Variants in SGCZ observed in about 807,000 individuals in gnomAD.
SGCZ encodes the protein sarcoglycan zeta, also known as zeta-sarcoglycan.
SGCZ carries 40 observed loss-of-function variants against 41.3 expected under a neutral mutation model. That is an observed-to-expected ratio of 0.97 (90% CI 0.75 to 1.26). The LOEUF (loss-of-function observed/expected upper bound fraction) is 1.26. Among genes scored for constraint, SGCZ ranks in the 50% most tolerant of loss-of-function variants. The pLI is 0.00. For synonymous variants in SGCZ, 206 were observed against 137.5 expected (o/e 1.50, Z -3.49); for missense variants, 552 against 369.8 (o/e 1.49, Z -4.04).
chr8:15,064,396 A>G (rs1805047691), intron 1 of SGCZ, among the ~76,000 whole-genome samples: 1 of 152,144 alleles, frequency 6.6e-6, no homozygotes, highest in Non-Finnish European at 1.5e-5. Context: ...CATATATTAT[A>G]CACAACTGAA....
chr8:14,910,692 A>G (rs1799258031), intron 1 of SGCZ, among the ~76,000 whole-genome samples: 1 of 151,930 alleles, frequency 6.6e-6, no homozygotes, highest in African/African-American at 2.4e-5. Flanking sequence ...TGATTCTTTT[A>G]AAGCACTTTG....
intron 1 of SGCZ, among the ~76,000 whole-genome samples, chr8:14,904,893 T>C (rs1026347880): frequency 7.9e-5 from 12 of 152,004 alleles, no homozygotes; most frequent in Non-Finnish European, 1.3e-4. Flanking sequence ...CCATTCTTTA[T>C]CTTTCAACTC....
At chr8:14,170,711 C>G (rs1228127466) in intron 4 of SGCZ, among the ~76,000 whole-genome samples, 1 of 152,014 alleles carries the variant, frequency 6.6e-6, no homozygotes, top group Non-Finnish European at 1.5e-5. Flanking sequence ...GTAGCTAGAA[C>G]AAAGTTGACG....
chr8:14,306,770 T>TA (rs1269032627), intron 3 of SGCZ, among the ~76,000 whole-genome samples: 3 of 152,090 alleles, frequency 2.0e-5, no homozygotes, highest in South Asian at 2.1e-4. Flanking sequence ...CCTGATCAAA[T>TA]AAAAAATGTG....
chr8:15,220,613 C>G (rs1228720786), intron 1 of SGCZ, among the ~76,000 whole-genome samples: 2 of 152,032 alleles, frequency 1.3e-5, no homozygotes, highest in East Asian at 3.9e-4. Flanking sequence ...GTCGATTCCT[C>G]AAGGATCTAG....
At chr8:14,468,455 C>T (rs1028877609) in intron 2 of SGCZ, among the ~76,000 whole-genome samples, 4 of 152,002 alleles carry the variant, frequency 2.6e-5, no homozygotes, top group Non-Finnish European at 5.9e-5. Context: ...AATTTTTATT[C>T]AATGCCTCTT....
intron 1 of SGCZ, among the ~76,000 whole-genome samples, chr8:14,824,024 A>G (rs1802203922): frequency 6.7e-6 from 1 of 148,622 alleles, no homozygotes; most frequent in South Asian, 2.2e-4. Context: ...TATAGAATCT[A>G]AAGGGAAAAA....
intron 1 of SGCZ, among the ~76,000 whole-genome samples, chr8:14,568,485 T>G (rs1454596973): frequency 6.6e-6 from 1 of 151,684 alleles, no homozygotes; most frequent in African/African-American, 2.4e-5. Flanking sequence ...TAGTTGTTCT[T>G]GACTGAGACT....
intron 1 of SGCZ, among the ~76,000 whole-genome samples, chr8:15,189,760 A>G (rs1050120558): frequency 6.6e-6 from 1 of 152,104 alleles, no homozygotes; most frequent in African/African-American, 2.4e-5. Flanking sequence ...CATGTTGCCC[A>G]GGCTGGTGTT....
intron 2 of SGCZ, among the ~76,000 whole-genome samples, chr8:14,481,429 G>C (rs1002520604): frequency 6.6e-6 from 1 of 152,114 alleles, no homozygotes; most frequent in Non-Finnish European, 1.5e-5. Flanking sequence ...CATGCAATAA[G>C]TTTCAAAGTC....
At chr8:15,109,575 T>C (rs1329172821) in intron 1 of SGCZ, among the ~76,000 whole-genome samples, 2 of 152,160 alleles carry the variant, frequency 1.3e-5, no homozygotes, top group Non-Finnish European at 2.9e-5. Flanking sequence ...TCTTAAGCAG[T>C]TCTACTAGAT....
At chr8:15,126,713 G>C (rs1456770614) in intron 1 of SGCZ, among the ~76,000 whole-genome samples, 2 of 152,210 alleles carry the variant, frequency 1.3e-5, no homozygotes, top group African/African-American at 2.4e-5. Flanking sequence ...AGAGTGAACA[G>C]TGTGTACAGA....
intron 1 of SGCZ, among the ~76,000 whole-genome samples, chr8:14,738,611 T>C (rs1053078275): frequency 5.9e-5 from 9 of 152,064 alleles, no homozygotes; most frequent in African/African-American, 1.7e-4. Flanking sequence ...ACATCTCTTA[T>C]GGTTAGCAGC....
chr8:14,224,907 C>T (rs1806321444), intron 4 of SGCZ, among the ~76,000 whole-genome samples: 1 of 152,132 alleles, frequency 6.6e-6, no homozygotes, highest in African/African-American at 2.4e-5. Flanking sequence ...ATATTCTCTA[C>T]ATAAAGAAAT....
intron 1 of SGCZ, among the ~76,000 whole-genome samples, chr8:14,717,719 A>G (rs1256666957): frequency 1.3e-5 from 2 of 152,134 alleles, no homozygotes; most frequent in South Asian, 4.1e-4. Context: ...TGGGCCTCAC[A>G]AATGATACAG....
chr8:14,309,618 C>T, intron 3 of SGCZ: 1 of 1,610,812 alleles, frequency 6.2e-7, no homozygotes, highest in Non-Finnish European at 8.5e-7. Flanking sequence ...TTATCAGTCC[C>T]ACGCAGACAC....
intron 1 of SGCZ, among the ~76,000 whole-genome samples, chr8:14,638,927 T>C (rs1393109739): frequency 6.6e-6 from 1 of 151,746 alleles, no homozygotes; most frequent in East Asian, 1.9e-4. Flanking sequence ...ATACGTCATA[T>C]GTAAACATTT....
rs551542249 is a variant in SGCZ at position 14,256,195 on chromosome 8, A to C, written c.337-18516T>G. ...ATGCTTCATCCATATTTTTACCATA[A>C]CCTTGGAGCCCAGGATTTACTTTAA... On this transcript the variant is annotated intron_variant, in intron 3 of 7. Coordinates refer to ENST00000382080, the MANE Select transcript of SGCZ (RefSeq NM_139167.4). 2.0e-5 allele frequency among the ~76,000 whole-genome samples: 3 copies of C among 152,208 alleles called. No homozygotes were observed. In the South Asian group the frequency reaches 6.2e-4, roughly 32 times the overall value.
chr8:14,609,179 A>C (rs1394956737), intron 1 of SGCZ, among the ~76,000 whole-genome samples: 1 of 152,154 alleles, frequency 6.6e-6, no homozygotes, highest in Non-Finnish European at 1.5e-5. Flanking sequence ...TCCCTTTGAG[A>C]TTGTAATAAC....
Sources: allele counts gnomAD v4.1 joint callset (sites outside exome capture counted in the v4.1 genomes callset), GRCh38; gene constraint gnomAD v4.1.1; transcripts MANE v1.5; gene names NCBI Gene and HGNC (gene_info 2026-07-23, HGNC 2026-07-21).